FRMD5: variants seen among roughly 807,000 people sequenced by gnomAD.
FRMD5 encodes FERM domain-containing protein 5.
FRMD5 carries 20 observed loss-of-function variants against 69.0 expected under a neutral mutation model. That is an observed-to-expected ratio of 0.29 (90% CI 0.20 to 0.42). The LOEUF is 0.42. FRMD5 is among the 10% of genes least tolerant of loss of function. The probability of loss-of-function intolerance (pLI) is 1.00; values close to 1 mark genes in which losing one functional copy is unlikely to be tolerated. For missense variants in FRMD5, 595 were observed against 708.6 expected (o/e 0.84, Z 1.82); for synonymous variants, 271 against 260.1 (o/e 1.04, Z -0.40).
In FRMD5 at chr15:44,128,113, A is replaced by G. The variant is rs940566216; in HGVS notation, c.102+66840T>C. On this transcript the variant is annotated intron_variant, in intron 1 of 13. Coordinates refer to ENST00000417257, the MANE Select transcript of FRMD5 (RefSeq NM_032892.5). ...ACATTTCAATGAAGCTTCTGAGAAA[A>G]AAAGCAATCTTCAAAAAATGCCCAA... 7.2e-5 allele frequency among the ~76,000 whole-genome samples: 11 copies of G among 152,336 alleles called. No individual in the cohort carries two copies. The South Asian group carries it at 2.1e-3, about 29-fold the overall frequency.
At chr15:43,960,332 C>T (rs1413143946) in intron 1 of FRMD5, among the ~76,000 whole-genome samples, 1 of 152,210 alleles carries the variant, frequency 6.6e-6, no homozygotes, top group Non-Finnish European at 1.5e-5. Context: ...TCACTGCAAG[C>T]TCTGCCTCCC....
chr15:44,086,334 A>G (rs1346413473), intron 1 of FRMD5, among the ~76,000 whole-genome samples: 1 of 152,236 alleles, frequency 6.6e-6, no homozygotes, highest in African/African-American at 2.4e-5. Flanking sequence ...AGATGAATGG[A>G]TAAACAAAAT....
chr15:44,043,941 A>G (rs1892318005), intron 1 of FRMD5, among the ~76,000 whole-genome samples: 3 of 152,222 alleles, frequency 2.0e-5, no homozygotes, highest in Non-Finnish European at 4.4e-5. Context: ...TAATTAAACT[A>G]AAGAGCTGCT....
intron 1 of FRMD5, among the ~76,000 whole-genome samples, chr15:44,152,633 T>C (rs867714448): frequency 2.7e-4 from 41 of 152,344 alleles, no homozygotes; most frequent in Admixed American, 1.2e-3. Context: ...GCCTTAATTT[T>C]TTTTTAACTT....
chr15:44,112,883 C>T (rs776897966), intron 1 of FRMD5, among the ~76,000 whole-genome samples: 1 of 152,010 alleles, frequency 6.6e-6, no homozygotes, highest in Non-Finnish European at 1.5e-5. Flanking sequence ...GCATGAGCCA[C>T]CACACTCGGC....
chr15:43,901,979 A>G, intron 7 of FRMD5, 196 bp downstream of exon 7: 1 of 563,696 alleles, frequency 1.8e-6, no homozygotes. Flanking sequence ...TTCCTCTGAC[A>G]TTGATGTGGC....
intron 1 of FRMD5, among the ~76,000 whole-genome samples, chr15:43,950,765 G>T (rs2090014145): frequency 6.6e-6 from 1 of 152,186 alleles, no homozygotes; most frequent in Non-Finnish European, 1.5e-5. Context: ...ATTCTAAAAT[G>T]GTTTACTCCA....
chr15:43,892,468 C>T (rs2088814984), intron 7 of FRMD5, among the ~76,000 whole-genome samples: 1 of 152,202 alleles, frequency 6.6e-6, no homozygotes, highest in African/African-American at 2.4e-5. Context: ...CCAGCAATTC[C>T]ACTCCTCAGT....
intron 1 of FRMD5, among the ~76,000 whole-genome samples, chr15:43,993,636 AT>A (rs887418800): frequency 1.3e-5 from 2 of 151,872 alleles, no homozygotes; most frequent in Non-Finnish European, 2.9e-5. Context: ...TTCCTTATTG[AT>A]TTTTTTTGTC....
At chr15:44,021,085 G>C (rs1891190089) in intron 1 of FRMD5, among the ~76,000 whole-genome samples, 1 of 152,124 alleles carries the variant, frequency 6.6e-6, no homozygotes, top group South Asian at 2.1e-4. Context: ...AAGAGTTTGA[G>C]ACCAGCCTGA....
intron 1 of FRMD5, among the ~76,000 whole-genome samples, chr15:44,090,654 G>A (rs1320773369): frequency 1.3e-5 from 2 of 152,026 alleles, no homozygotes; most frequent in African/African-American, 4.8e-5. Flanking sequence ...TGGCCAGGCT[G>A]GTCTCAAACT....
At chr15:44,061,319 T>C (rs578258799) in intron 1 of FRMD5, among the ~76,000 whole-genome samples, 77 of 152,226 alleles carry the variant, frequency 5.1e-4, no homozygotes, top group Non-Finnish European at 9.1e-4. Context: ...CAAGTCTCAA[T>C]GCATTTGGGA....
chr15:44,026,400 T>C (rs1000801569), intron 1 of FRMD5, among the ~76,000 whole-genome samples: 22 of 152,242 alleles, frequency 1.4e-4, no homozygotes, highest in African/African-American at 5.3e-4. Context: ...TTGACTGTAT[T>C]AAAATACACT....
intron 13 of FRMD5, among the ~76,000 whole-genome samples, chr15:43,876,404 G>A (rs2140335786): frequency 6.6e-6 from 1 of 152,296 alleles, no homozygotes; most frequent in African/African-American, 2.4e-5. Context: ...GAATGGGCCA[G>A]ACACGATGGC....
At chr15:44,100,279 G>C (rs1197903389) in intron 1 of FRMD5, among the ~76,000 whole-genome samples, 1 of 150,768 alleles carries the variant, frequency 6.6e-6, no homozygotes, top group Non-Finnish European at 1.5e-5. Context: ...CTGGTCTTGA[G>C]CTCCTGACCT....
chr15:44,101,367 T>C (rs2076638134), intron 1 of FRMD5: 1 of 152,546 alleles, frequency 6.6e-6, no homozygotes, highest in Non-Finnish European at 1.5e-5. Flanking sequence ...TGTCACAAGA[T>C]ACACATCTTT....
intron 1 of FRMD5, among the ~76,000 whole-genome samples, chr15:43,936,546 G>A (rs2089764377): frequency 6.6e-6 from 1 of 152,120 alleles, no homozygotes; most frequent in African/African-American, 2.4e-5. Flanking sequence ...ATTACCTGAT[G>A]AGCTCCTCCT....
intron 1 of FRMD5, among the ~76,000 whole-genome samples, chr15:44,012,760 G>GT (rs1595622842): frequency 2.1e-5 from 3 of 146,078 alleles, no homozygotes; most frequent in East Asian, 2.0e-4. Flanking sequence ...CAAGTTATTG[G>GT]GTTTTTTTTT....
chr15:44,023,039 G>A (rs866042739), intron 1 of FRMD5, among the ~76,000 whole-genome samples: 2 of 152,118 alleles, frequency 1.3e-5, no homozygotes, highest in Non-Finnish European at 2.9e-5. Context: ...AGGAGTGAGA[G>A]GAGCTCAGAG....
Sources: allele counts gnomAD v4.1 joint callset (sites outside exome capture counted in the v4.1 genomes callset), GRCh38; gene constraint gnomAD v4.1.1; transcripts MANE v1.5; gene names NCBI Gene and HGNC (gene_info 2026-07-23, HGNC 2026-07-21).